DYSF: variants seen among roughly 807,000 people sequenced by gnomAD.
The protein encoded by DYSF is dystrophy-associated fer-1-like 1.
A neutral mutation model predicts 274.9 loss-of-function variants in DYSF; 212 were observed. The ratio of observed to expected loss-of-function variants is 0.77; its 90% CI spans 0.69 to 0.86. The LOEUF is 0.86. Among genes scored for constraint, DYSF ranks in the 40% least tolerant of loss-of-function variants. DYSF has a pLI of 0.00. For missense variants in DYSF, 2,666 were observed against 2,783.2 expected, an observed-to-expected ratio of 0.96 and a Z score of 0.95; for synonymous variants, 1,091 against 1,078.7, an observed-to-expected ratio of 1.01 and a Z score of -0.22.
At chr2:71,521,505 C>T (rs147845766) in intron 12 of DYSF, among the ~76,000 whole-genome samples, 17 of 152,306 alleles carry the variant, frequency 1.1e-4, no homozygotes, top group South Asian at 4.1e-4. Context: ...TGCTCAGCAG[C>T]GCAGAAGCAG....
intron 1 of DYSF, among the ~76,000 whole-genome samples, chr2:71,473,943 T>TTTTTTA (rs2082219066): frequency 8.5e-6 from 1 of 117,688 alleles, no homozygotes; most frequent in African/African-American, 3.1e-5. Flanking sequence ...TTTTTTTTTT[T>TTTTTTA]GAGACAGAGC....
In DYSF at chr2:71,520,198, C is replaced by T. The variant is rs746423069; in HGVS notation, c.1023C>T (p.Tyr341=). The T allele has an allele frequency of 6.2e-7, 1 of 1,614,216 alleles. No homozygotes were observed. Among genetic ancestry groups the T allele is most frequent in the South Asian group, 1.1e-5 (1 of 91,088 alleles). ...TGCAGATGGACGTGGGCACCATTTA[C>T]AGAGAGCCCCGTGAGTTCTCACCAC... is the stretch of plus-strand genomic sequence containing the variant. ...GEFRMDVGTI[Y]REPRHAYLRK... The change falls in exon 11 of 56, where the codon TAC becomes TAT. Residue 341 remains tyrosine, a synonymous_variant. Transcript: ENST00000410020.
chr2:71,495,957 C>G (rs1029760581), intron 3 of DYSF, among the ~76,000 whole-genome samples: 2 of 151,912 alleles, frequency 1.3e-5, no homozygotes, highest in Non-Finnish European at 2.9e-5. Context: ...GGTTGCCTCT[C>G]TCTGACCCAC....
intron 42 of DYSF, among the ~76,000 whole-genome samples, chr2:71,651,813 T>G (rs905962174): frequency 6.6e-6 from 1 of 152,138 alleles, no homozygotes; most frequent in African/African-American, 2.4e-5. Flanking sequence ...ATAACCGAAT[T>G]TGCTTCATTC....
At chr2:71,538,382 C>T (rs898354519) in intron 16 of DYSF, among the ~76,000 whole-genome samples, 13 of 152,206 alleles carry the variant, frequency 8.5e-5, no homozygotes, top group Non-Finnish European at 1.6e-4. Context: ...GGCCACAGTC[C>T]CCTACCCTGG....
At chr2:71,583,725 G>T (rs375193824) in intron 30 of DYSF, among the ~76,000 whole-genome samples, 45 of 152,214 alleles carry the variant, frequency 3.0e-4, no homozygotes, top group African/African-American at 8.7e-4. Context: ...AGACATGCTG[G>T]TGGGCTCGAT....
At chr2:71,516,313 T>C in intron 9 of DYSF, 71 bp downstream of exon 9, 1 of 1,452,976 alleles carries the variant, frequency 6.9e-7, no homozygotes. Context: ...CACACGCGTG[T>C]GTGTTTGTGC....
chr2:71,492,553 A>G (rs2083951481), intron 3 of DYSF, among the ~76,000 whole-genome samples: 1 of 152,186 alleles, frequency 6.6e-6, no homozygotes, highest in Admixed American at 6.5e-5. Flanking sequence ...ACCCTTCTGG[A>G]ACATTTTTTT....
intron 4 of DYSF, among the ~76,000 whole-genome samples, chr2:71,506,433 T>C (rs2085478419): frequency 6.6e-6 from 1 of 152,124 alleles, no homozygotes; most frequent in South Asian, 2.1e-4. Context: ...GCGTGTTTGG[T>C]GGACACACGA....
chr2:71,551,031 T>C lies in DYSF; in HGVS notation c.1577-10T>C, dbSNP rs371967475. The C allele has an allele frequency of 2.7e-5, 44 of 1,611,662 alleles. No individual in the cohort carries two copies. Among genetic ancestry groups the C allele is most frequent in the Admixed American group, 6.7e-5 (4 of 60,002 alleles). On this transcript the variant is annotated splice_polypyrimidine_tract_variant and intron_variant, in intron 17 of 55. Transcript: ENST00000410020. ...GGCCGACCCCTCTGATTGCCACTTG[T>C]GTCTCCCAGTGGATGACTACCTGGG... is the stretch of plus-strand genomic sequence containing the variant.
intron 41 of DYSF, among the ~76,000 whole-genome samples, chr2:71,633,013 G>C (rs749909937): frequency 3.3e-5 from 5 of 152,206 alleles, no homozygotes; most frequent in Non-Finnish European, 7.3e-5. Flanking sequence ...CACCTCTGCT[G>C]ATCCAGAAAT....
chr2:71,481,956 G>T lies in DYSF; in HGVS notation c.225G>T (p.Thr75=), dbSNP rs200957354. The T allele has an allele frequency of 7.4e-6, 12 of 1,613,986 alleles. No individual in the cohort carries two copies. The highest frequency in any genetic ancestry group is 2.7e-5 in the African/African-American group (2 of 74,924). ...ATGTGGTGGTCAAAGACCATGAGAC[G>T]ATGGGGAGGAACAGGTAAGGTGGCC... The part of the protein sequence containing the change: ...ELHVVVKDHE[T]MGRNRFLGEA... Residue 75 remains threonine (T), a synonymous_variant, in exon 3 of 56, where the codon ACG becomes ACT. Coordinates refer to ENST00000410020, the MANE Select transcript of DYSF (RefSeq NM_001130987.2).
At chr2:71,499,684 C>T (rs935700773) in intron 3 of DYSF, among the ~76,000 whole-genome samples, 19 of 152,344 alleles carry the variant, frequency 1.2e-4, no homozygotes, top group African/African-American at 4.3e-4. Flanking sequence ...TTGGCCTCTC[C>T]TTCCCTTGCC....
rs142373498 is a variant in DYSF, at chr2:71,585,459, C to T, written c.3403-4134C>T. On this transcript the variant is annotated intron_variant, in intron 30 of 55. Coordinates refer to ENST00000410020, the MANE Select transcript of DYSF (RefSeq NM_001130987.2). ...GGTGGCACATCAGAGGAGAGACTGA[C>T]GGGAGGGAGATGCTTCCCCAAAGTT... is the stretch of plus-strand genomic sequence containing the variant. Among the ~76,000 whole-genome samples the T allele has an allele frequency of 4.3e-3, 655 of 152,284 alleles. 5 individuals are homozygous for T. Among genetic ancestry groups the T allele is most frequent in the African/African-American group, 0.014 (590 of 41,562 alleles).
Position 71,556,057 on chromosome 2 carries a change from C to T in DYSF, c.2202C>T (p.Leu734=), listed in dbSNP as rs1304800163. 1.8e-5 allele frequency: 28 copies of T among 1,572,836 alleles called. No homozygotes were observed. The highest frequency in any genetic ancestry group is 2.3e-5 in the Non-Finnish European group (27 of 1,159,780). The change falls in exon 22 of 56, where the codon CTC becomes CTT. Residue 734 remains leucine (L), a synonymous_variant. Coordinates refer to ENST00000410020, the MANE Select transcript of DYSF (RefSeq NM_001130987.2). ...TGGTGGCTCAGCTGACGGATGAGCT[C>T]ATCGCAGGCTGCAGGTAGGGGGGAC... The part of the protein sequence containing the change: ...DSLVAQLTDE[L]IAGCSQPLGD...
chr2:71,519,093 A>C (rs1446092502), intron 10 of DYSF, among the ~76,000 whole-genome samples: 5 of 17,214 alleles, frequency 2.9e-4, no homozygotes, highest in Non-Finnish European at 1.5e-4. Flanking sequence ...ACTCCATCTC[A>C]AAAAAAAAAA....
rs564621183 is a variant in DYSF, at chr2:71,621,274, A to G, written c.4527+665A>G. 5.9e-5 allele frequency among the ~76,000 whole-genome samples: 9 copies of G among 152,250 alleles called. No individual in the cohort carries two copies. The South Asian group carries it at 1.5e-3, about 25-fold the overall frequency. ...GGTGGCGTAAGAGACAGAACTTGCT[A>G]AAGGCAGCGAGTTACATTCTACTTA... is the stretch of plus-strand genomic sequence containing the variant. On this transcript the variant is annotated intron_variant, in intron 41 of 55. Transcript: ENST00000410020.
At chr2:71,618,357 GTGTGGTAGAGGTGGCA>G (rs2093978860) in intron 40 of DYSF, among the ~76,000 whole-genome samples, 3 of 5,090 alleles carry the variant, frequency 5.9e-4, no homozygotes, top group Non-Finnish European at 1.3e-3. Context: ...AGGGGTGTGT[GTGTGGTAGAGGTGGCA>G]TGTGTGGTAG....
intron 53 of DYSF, among the ~76,000 whole-genome samples, chr2:71,679,682 C>T (rs2095272244): frequency 1.3e-5 from 2 of 152,074 alleles, no homozygotes; most frequent in African/African-American, 4.8e-5. Flanking sequence ...TCCCCTGAGT[C>T]CACAGCAGCC....
Sources: allele counts gnomAD v4.1 joint callset (sites outside exome capture counted in the v4.1 genomes callset), GRCh38; gene constraint gnomAD v4.1.1; transcripts MANE v1.5; gene names NCBI Gene and HGNC (gene_info 2026-07-23, HGNC 2026-07-21).